Variants in MAP7D1 observed in about 807,000 individuals in gnomAD.
MAP7D1 encodes MAP7 domain containing 1.
MAP7D1 carries 30 observed loss-of-function variants against 97.5 expected under a neutral mutation model. That is an observed-to-expected ratio of 0.31 (90% CI 0.23 to 0.42). The LOEUF (loss-of-function observed/expected upper bound fraction) is 0.42. Ranked by LOEUF, MAP7D1 falls within the 10% of genes least tolerant of loss-of-function variation. The pLI is 1.00. For missense variants in MAP7D1, 1,184 were observed against 1,179.5 expected, an observed-to-expected ratio of 1.00 and a Z score of -0.06; for synonymous variants, 536 against 477.1, an observed-to-expected ratio of 1.12 and a Z score of -1.61.
rs1331595983 is a variant in MAP7D1 at position 36,156,249 on chromosome 1, G to A, written c.-169G>A. 4.3e-6 allele frequency: 2 copies of A among 468,088 alleles called. No homozygotes were observed. Among genetic ancestry groups the A allele is most frequent in the Non-Finnish European group, 7.2e-6 (2 of 277,736 alleles). 29.0% of individuals were successfully genotyped at this position (468,088 alleles called of 1,614,324 possible). ...GACCCCGGGCGACCGGCACCTCCGA[G>A]ACTCGCGGGCCACCTGCCTCGACCT... On this transcript the variant is annotated 5_prime_UTR_variant, in exon 1 of 17. Coordinates refer to ENST00000474796, the MANE Select transcript of MAP7D1 (RefSeq NM_001388490.1).
chr1:36,172,567 A>T lies in MAP7D1; in HGVS notation c.564A>T (p.Lys188Asn). 1 of 1,600,268 alleles carries T rather than the reference A, an allele frequency of 6.2e-7. No homozygotes were observed. Among genetic ancestry groups the T allele is most frequent in the African/African-American group, 1.3e-5 (1 of 74,862 alleles). The change falls in exon 4 of 17, where the codon AAA (lysine) becomes AAT (asparagine). Residue 188 changes from lysine (K) to asparagine (N), a missense_variant. Transcript: ENST00000474796. ...GCCGGCTGGAGGAGCAACGTCTTAA[A>T]GCCGAGCAACGCCGTGCAGCCCTGG... ...RRRRLEEQRL[K>N]AEQRRAALEE... is the part of the protein sequence containing the mutation.
chr1:36,180,262 G>A lies in MAP7D1; in HGVS notation c.*4G>A. On this transcript the variant is annotated 3_prime_UTR_variant, in exon 17 of 17. Coordinates refer to ENST00000474796, the MANE Select transcript of MAP7D1 (RefSeq NM_001388490.1). ...TTTTTCCCCAGAAGTCCTTTAAGAG[G>A]GTTTGCCTTGGATCCGGGCACAGTT... 1.9e-6 allele frequency: 3 copies of A among 1,614,196 alleles called. No individual in the cohort carries two copies. The highest frequency in any genetic ancestry group is 3.3e-4 in the Middle Eastern group (2 of 6,058).
chr1:36,175,070 C>A, intron 6 of MAP7D1, 62 bp downstream of exon 6: 2 of 1,095,930 alleles, frequency 1.8e-6, no homozygotes, highest in Non-Finnish European at 2.8e-6. Context: ...AAGCCTCCTC[C>A]AGAGCTCAGC....
At chr1:36,172,206 G>A (rs372049047) in intron 3 of MAP7D1, 10 of 327,752 alleles carry the variant, frequency 3.1e-5, no homozygotes, top group Middle Eastern at 1.7e-3. Context: ...TGGGGATCTT[G>A]CACTCAAGCA....
chr1:36,169,020 G>C (rs901715910), intron 1 of MAP7D1, among the ~76,000 whole-genome samples: 7 of 152,190 alleles, frequency 4.6e-5, no homozygotes, highest in African/African-American at 1.4e-4. Flanking sequence ...GGGAGGTCGA[G>C]ACGGGCAGAC....
chr1:36,176,359 C>A lies in MAP7D1; in HGVS notation c.1011C>A (p.Gly337=). Residue 337 remains glycine (G), a synonymous_variant, in exon 7 of 17, where the codon GGC becomes GGA. Coordinates refer to ENST00000474796, the MANE Select transcript of MAP7D1 (RefSeq NM_001388490.1). The surrounding 1 kb of genome is among the most constrained non-coding windows in gnomAD (Gnocchi z 6.1). ...ACCCTGGGAGAGGCCCCACGTGGGG[C>A]CGGGCAGGGGCCAGCCTGGCGCGCG... ...GCDPGRGPTW[G]RAGASLARGP... is the part of the protein sequence containing the mutation. 1 of 1,525,280 alleles carries A rather than the reference C, an allele frequency of 6.6e-7. No individual in the cohort carries two copies. Among genetic ancestry groups the A allele is most frequent in the South Asian group, 1.2e-5 (1 of 82,830 alleles). 94.5% of individuals were successfully genotyped at this position (1,525,280 alleles called of 1,614,324 possible).
Position 36,180,543 on chromosome 1 carries a change from AC to A in MAP7D1, c.*287del. 1 of 511,544 alleles carries A rather than the reference AC, an allele frequency of 2.0e-6. No homozygotes were observed. The highest frequency in any genetic ancestry group is 1.9e-5 in the African/African-American group (1 of 51,950). 31.7% of individuals were successfully genotyped at this position (511,544 alleles called of 1,614,324 possible). A position where few individuals can be genotyped will look rare whatever the true frequency, so the allele number is the denominator to read the frequency against. ...TGGCCTCTTCCCTTGGGGAGGGGCC[AC>A]CTGTAGTATTTGCCTTGATTTGGTG... On this transcript the variant is annotated 3_prime_UTR_variant, in exon 17 of 17. Transcript: ENST00000474796.
chr1:36,172,734 A>G lies in MAP7D1; in HGVS notation c.624+107A>G. On this transcript the variant is annotated intron_variant, in intron 4 of 16. Transcript: ENST00000474796. ...TCACGGCTCTGCCTTATCTGTGTCTATGTGGTCCTATTTGTGTTCACATCT... is the reference window on the plus strand; with the variant it reads ...TCACGGCTCTGCCTTATCTGTGTCTGTGTGGTCCTATTTGTGTTCACATCT... 5.8e-6 allele frequency: 7 copies of G among 1,210,202 alleles called. 1 individual carries two copies. In the South Asian group the frequency reaches 1.7e-4, roughly 29 times the overall value. The allele number at this position is 1,210,202 out of a possible 1,614,324, so 75.0% of individuals were successfully genotyped here. A position where few individuals can be genotyped will look rare whatever the true frequency, so the allele number is the denominator to read the frequency against.
rs781333193 is a variant in MAP7D1 at position 36,171,516 on chromosome 1, T to C, written c.395T>C (p.Val132Ala). Residue 132 changes from valine (V) to alanine (A), a missense_variant, in exon 3 of 17, where the codon GTG (valine) becomes GCG (alanine). Coordinates refer to ENST00000474796, the MANE Select transcript of MAP7D1 (RefSeq NM_001388490.1). ...TGTTCTTGTTCCCTCTGCTCAGAGG[T>C]GAAGAAGGCAGGAGAGAGACACAAG... is the stretch of plus-strand genomic sequence containing the variant. ...ASDSPPTKQE[V>A]KKAGERHKLA... 5 of 1,613,988 alleles carry C rather than the reference T, an allele frequency of 3.1e-6. No homozygotes were observed. The highest frequency in any genetic ancestry group is 4.2e-6 in the Non-Finnish European group (5 of 1,179,982).
chr1:36,178,645 A>C (rs745711668), intron 10 of MAP7D1, 40 bp from the exon 11 acceptor site: 6 of 1,538,752 alleles, frequency 3.9e-6, no homozygotes, highest in Admixed American at 2.0e-5. Flanking sequence ...GCTGGAGAAG[A>C]AGCAGAGGCC....
chr1:36,176,146 C>T lies in MAP7D1; in HGVS notation c.851-53C>T. 2 of 1,585,254 alleles carry T rather than the reference C, an allele frequency of 1.3e-6. No individual in the cohort carries two copies. Among genetic ancestry groups the T allele is most frequent in the Non-Finnish European group, 1.7e-6 (2 of 1,170,894 alleles). ...GCCTGGTCTGCTCCCTTGCCTCTTC[C>T]TGCCTCCTACGGCCCCCACGGTGAC... On this transcript the variant is annotated intron_variant, in intron 6 of 16. Coordinates refer to ENST00000474796, the MANE Select transcript of MAP7D1 (RefSeq NM_001388490.1). This position sits in a 1 kb window ranked among gnomAD's most constrained non-coding sequence, Gnocchi z 6.1.
Position 36,156,443 on chromosome 1 carries a change from T to TG in MAP7D1, c.31dup (p.Ala11GlyfsTer22). 6.8e-7 allele frequency: 1 copy of TG among 1,474,030 alleles called. No homozygotes were observed. Among genetic ancestry groups the TG allele is most frequent in the Non-Finnish European group, 8.9e-7 (1 of 1,120,266 alleles). The allele number at this position is 1,474,030 out of a possible 1,614,324, so 91.3% of individuals were successfully genotyped here. A position where few individuals can be genotyped will look rare whatever the true frequency, so the allele number is the denominator to read the frequency against. On this transcript the variant is annotated frameshift_variant, in exon 1 of 17. Transcript: ENST00000474796. LOFTEE classifies it high-confidence loss of function. ...ATGGAGAGCGGCCCGCGTGCGGAGC[T>TG]GGGGGCGGGCGCACCCCCAGGTATG...
At chr1:36,160,125 C>T (rs1456176083) in intron 1 of MAP7D1, among the ~76,000 whole-genome samples, 1 of 152,212 alleles carries the variant, frequency 6.6e-6, no homozygotes, top group Non-Finnish European at 1.5e-5. Context: ...AGTTAGGCCA[C>T]AGGGCAGCTG....
In MAP7D1 at chr1:36,180,706, G is replaced by A. The variant is rs1192400177; in HGVS notation, c.*448G>A. ...TCTCTCTATTTAACTGTAACTGAGG[G>A]GGATCCCAGGTCTGGGGATGGGGGA... On this transcript the variant is annotated 3_prime_UTR_variant, in exon 17 of 17. Coordinates refer to ENST00000474796, the MANE Select transcript of MAP7D1 (RefSeq NM_001388490.1). The A allele has an allele frequency of 4.9e-6, 1 of 206,130 alleles. No homozygotes were observed. The highest frequency in any genetic ancestry group is 1.0e-5 in the Non-Finnish European group (1 of 100,192). The allele number at this position is 206,130 out of a possible 1,614,324, so 12.8% of individuals were successfully genotyped here.
chr1:36,171,955 A>G (rs1188290423), intron 3 of MAP7D1: 1 of 222,094 alleles, frequency 4.5e-6, no homozygotes, highest in African/African-American at 2.3e-5. Flanking sequence ...AAAAAAAAAA[A>G]AAACCAACAC....
At chr1:36,166,352 A>G (rs1207189331) in intron 1 of MAP7D1, among the ~76,000 whole-genome samples, 3 of 148,588 alleles carry the variant, frequency 2.0e-5, no homozygotes, top group African/African-American at 7.5e-5. Context: ...ATGAGGAATC[A>G]TTGCAGGATT....
chr1:36,176,936 C>T lies in MAP7D1; in HGVS notation c.1379+94C>T. 3 of 1,081,594 alleles carry T rather than the reference C, an allele frequency of 2.8e-6. No individual in the cohort carries two copies. The highest frequency in any genetic ancestry group is 4.0e-6 in the Non-Finnish European group (3 of 743,202). 67.0% of individuals were successfully genotyped at this position (1,081,594 alleles called of 1,614,324 possible). On this transcript the variant is annotated intron_variant, in intron 8 of 16. Coordinates refer to ENST00000474796, the MANE Select transcript of MAP7D1 (RefSeq NM_001388490.1). The surrounding 1 kb of genome is among the most constrained non-coding windows in gnomAD (Gnocchi z 6.1). ...TTGGGCAACCACCTCTAGAATGCAA[C>T]TTCCCTGAGGGCAGATTCTCTCTGT...
Position 36,170,980 on chromosome 1 carries a change from CCA to C in MAP7D1, c.57_58del (p.Arg20AspfsTer12), listed in dbSNP as rs776201613. 7.0e-7 allele frequency: 1 copy of C among 1,428,424 alleles called. No homozygotes were observed. The highest frequency in any genetic ancestry group is 9.7e-7 in the Non-Finnish European group (1 of 1,026,166). 88.5% of individuals were successfully genotyped at this position (1,428,424 alleles called of 1,614,324 possible). On this transcript the variant is annotated frameshift_variant, in exon 2 of 17. Coordinates refer to ENST00000474796, the MANE Select transcript of MAP7D1 (RefSeq NM_001388490.1). LOFTEE classifies it high-confidence loss of function. ...TGTGTTGGTCTTTCAGCTGTGGTCGCCAGGACCCCCCCAGAGCCAAGACCTTC... is the reference window on the plus strand; with the variant it reads ...TGTGTTGGTCTTTCAGCTGTGGTCGCGGACCCCCCCAGAGCCAAGACCTTC...
chr1:36,173,280 G>A, intron 4 of MAP7D1, 84 bp from the exon 5 acceptor site: 1 of 989,904 alleles, frequency 1.0e-6, no homozygotes, highest in South Asian at 1.5e-5. Context: ...GGGAGGCATT[G>A]TCACAGGAGG....
Sources: allele counts gnomAD v4.1 joint callset (sites outside exome capture counted in the v4.1 genomes callset), GRCh38; gene constraint gnomAD v4.1.1; non-coding constraint Gnocchi (gnomAD v3.1); transcripts MANE v1.5; gene names NCBI Gene and HGNC (gene_info 2026-07-23, HGNC 2026-07-21).